CCDC171: variants seen among roughly 807,000 people sequenced by gnomAD.
The protein encoded by CCDC171 is coiled-coil domain containing 171, also known as coiled-coil domain-containing protein 171.
Under a neutral mutation model 168.2 loss-of-function variants are expected in CCDC171, and 177 were observed. That is an observed-to-expected ratio of 1.05 (90% confidence interval 0.93 to 1.19). The LOEUF (loss-of-function observed/expected upper bound fraction) is 1.19. CCDC171 is among the 50% of genes most tolerant of loss of function. CCDC171 has a pLI of 0.00. For missense variants in CCDC171, 1,991 were observed against 1,539.0 expected, an observed-to-expected ratio of 1.29 and a Z score of -4.91; for synonymous variants, 687 against 540.8, an observed-to-expected ratio of 1.27 and a Z score of -3.75.
chr9:15,852,776 A>G (rs1225698442), intron 23 of CCDC171, among the ~76,000 whole-genome samples: 2 of 36,528 alleles, frequency 5.5e-5, no homozygotes, highest in Admixed American at 3.3e-4. Flanking sequence ...TAAAGGCCCA[A>G]CTTCATTTTT....
At chr9:15,911,356 G>T (rs116143915) in intron 24 of CCDC171, among the ~76,000 whole-genome samples, 2,641 of 152,222 alleles carry the variant, frequency 0.017, 93 homozygotes, top group African/African-American at 0.061. Flanking sequence ...TATGAAAAGT[G>T]TCTGCTCATA....
upstream of CCDC171, among the ~76,000 whole-genome samples, chr9:16,039,862 T>C (rs535529627): frequency 7.2e-5 from 11 of 151,950 alleles, no homozygotes; most frequent in East Asian, 9.7e-4. Flanking sequence ...GTGTGTGTAA[T>C]GGGGTGGGGG....
At chr9:15,911,693 AT>A (rs1248188299) in intron 24 of CCDC171, among the ~76,000 whole-genome samples, 1 of 152,126 alleles carries the variant, frequency 6.6e-6, no homozygotes, top group Non-Finnish European at 1.5e-5. Context: ...TTACATTTAA[AT>A]CTTTAATCCA....
At chr9:15,847,341 A>G (rs1381356074) in intron 22 of CCDC171, among the ~76,000 whole-genome samples, 6 of 152,032 alleles carry the variant, frequency 3.9e-5, no homozygotes, top group African/African-American at 1.4e-4. Flanking sequence ...ACCATGGAAA[A>G]CTCATTTAAT....
intron 18 of CCDC171, among the ~76,000 whole-genome samples, chr9:15,775,608 G>A (rs188241362): frequency 5.6e-4 from 85 of 152,344 alleles, no homozygotes; most frequent in African/African-American, 1.9e-3. Context: ...GTGAGCCACT[G>A]TGACCGGCCT....
chr9:16,057,494 C>T (rs1227910955), intron 1 of CCDC171, among the ~76,000 whole-genome samples: 1 of 152,050 alleles, frequency 6.6e-6, no homozygotes, highest in East Asian at 1.9e-4. Flanking sequence ...TTGTTTTTGG[C>T]TTCTAGAGCT....
At chr9:16,044,634 A>G (rs1431715713) in intron 1 of CCDC171, among the ~76,000 whole-genome samples, 1 of 151,880 alleles carries the variant, frequency 6.6e-6, no homozygotes, top group Admixed American at 6.6e-5. Context: ...GCCGTGACAC[A>G]GGCAAAAATT....
rs1031565147 is a variant in CCDC171 at position 15,573,763 on chromosome 9, A to C, written c.177+2004A>C. Among the ~76,000 whole-genome samples, 7 of 152,194 alleles carry C rather than the reference A, an allele frequency of 4.6e-5. No individual in the cohort carries two copies. In the East Asian group the frequency reaches 9.7e-4, roughly 21 times the overall value. ...GTGTGATGATAATCATTACTCTATTAAATAAATTCTCTCACAGCCAGGTGT... is the reference window on the plus strand; with the variant it reads ...GTGTGATGATAATCATTACTCTATTCAATAAATTCTCTCACAGCCAGGTGT... On this transcript the variant is annotated intron_variant, in intron 3 of 25. Coordinates refer to ENST00000380701, the MANE Select transcript of CCDC171 (RefSeq NM_173550.4).
intron 6 of CCDC171, among the ~76,000 whole-genome samples, chr9:15,594,572 A>C (rs1239875819): frequency 1.3e-5 from 2 of 152,150 alleles, no homozygotes; most frequent in African/African-American, 2.4e-5. Flanking sequence ...ACAAATTCTT[A>C]ATTATCCTCT....
chr9:15,857,513 C>G lies in CCDC171; in HGVS notation c.3468+8566C>G, dbSNP rs1588877412. ...TCTCGGCTCACTGCAACCTCTGCCT[C>G]CTGGGTTCAAGTGATTCTCGTTCCT... On this transcript the variant is annotated intron_variant, in intron 23 of 25. Transcript: ENST00000380701. Among the ~76,000 whole-genome samples the G allele has an allele frequency of 2.0e-5, 3 of 151,986 alleles. 1 individual carries two copies. In the South Asian group the frequency reaches 6.2e-4, roughly 32 times the overall value.
intron 18 of CCDC171, among the ~76,000 whole-genome samples, chr9:15,767,875 G>T (rs2056816078): frequency 4.5e-5 from 1 of 22,432 alleles, no homozygotes; most frequent in African/African-American, 1.4e-4. Flanking sequence ...CTTTGACTAT[G>T]GGTCTTTTCT....
intron 1 of CCDC171, among the ~76,000 whole-genome samples, chr9:16,057,866 G>A (rs1833867078): frequency 6.6e-6 from 1 of 152,166 alleles, no homozygotes; most frequent in South Asian, 2.1e-4. Context: ...AGCAGGGGCT[G>A]GGACACCTCC....
intron 7 of CCDC171, among the ~76,000 whole-genome samples, chr9:15,645,936 A>G (rs1037191581): frequency 3.9e-5 from 6 of 152,192 alleles, no homozygotes; most frequent in Non-Finnish European, 8.8e-5. Context: ...ATTCCAAGAC[A>G]CATAATTGTC....
intron 24 of CCDC171, among the ~76,000 whole-genome samples, chr9:15,909,393 C>T (rs1823268599): frequency 1.3e-5 from 1 of 77,694 alleles, no homozygotes; most frequent in Non-Finnish European, 2.8e-5. Flanking sequence ...CATTCATGTA[C>T]ATGTGCGTAC....
At chr9:15,857,032 T>C (rs1272184504) in intron 23 of CCDC171, among the ~76,000 whole-genome samples, 1 of 152,022 alleles carries the variant, frequency 6.6e-6, no homozygotes, top group Non-Finnish European at 1.5e-5. Flanking sequence ...ATATTCAAGT[T>C]CTTAGCCCAT....
chr9:15,921,016 T>G (rs1825250507), intron 25 of CCDC171, among the ~76,000 whole-genome samples: 1 of 151,676 alleles, frequency 6.6e-6, no homozygotes, highest in African/African-American at 2.4e-5. Context: ...TTTTAAAAAA[T>G]GAATGTATTG....
intron 11 of CCDC171, among the ~76,000 whole-genome samples, chr9:15,704,339 A>G (rs7019430): frequency 0.5 from 75,626 of 152,042 alleles, 19,199 homozygotes; most frequent in East Asian, 0.78. Flanking sequence ...ACTGGGCAAC[A>G]TAATGAGATC....
intron 3 of CCDC171, among the ~76,000 whole-genome samples, chr9:15,991,508 C>T (rs548425657): frequency 0.021 from 3,136 of 149,664 alleles, 128 homozygotes; most frequent in African/African-American, 0.077. Flanking sequence ...CCTAACATCA[C>T]AATTAAAAGA....
At chr9:15,782,127 A>G (rs2057697900) in intron 20 of CCDC171, among the ~76,000 whole-genome samples, 1 of 152,196 alleles carries the variant, frequency 6.6e-6, no homozygotes, top group Non-Finnish European at 1.5e-5. Flanking sequence ...AGTGCCTGCA[A>G]CCATTTGTCT....
Sources: allele counts gnomAD v4.1 joint callset (sites outside exome capture counted in the v4.1 genomes callset), GRCh38; gene constraint gnomAD v4.1.1; transcripts MANE v1.5; gene names NCBI Gene and HGNC (gene_info 2026-07-23, HGNC 2026-07-21).